Variants in SPRTN observed in about 807,000 individuals in gnomAD.
SPRTN encodes the protein DNA-dependent metalloprotease SPRTN.
Under a neutral mutation model 31.9 loss-of-function variants are expected in SPRTN, and 11 were observed. The ratio of observed to expected loss-of-function variants is 0.34; its 90% CI spans 0.22 to 0.57. SPRTN has a LOEUF of 0.57. SPRTN is among the 20% of genes least tolerant of loss of function. SPRTN has a pLI of 0.86. For missense variants in SPRTN, 482 were observed against 590.1 expected, an observed-to-expected ratio of 0.82 and a Z score of 1.90; for synonymous variants, 185 against 212.1, an observed-to-expected ratio of 0.87 and a Z score of 1.11.
At position 231,351,410 on chromosome 1, in the gene SPRTN, C is replaced by T; in HGVS notation, c.557C>T (p.Ala186Val). The T allele has an allele frequency of 6.2e-7, 1 of 1,614,056 alleles. No homozygotes were observed. The highest frequency in any genetic ancestry group is 8.5e-7 in the Non-Finnish European group (1 of 1,180,020). Residue 186 changes from alanine to valine, a missense_variant, in exon 4 of 5, where the codon GCT (alanine) becomes GTT (valine). Physicochemically the swap from Ala to Val is moderately conservative, Grantham distance 64 (BLOSUM62 0). Transcript: ENST00000295050. ...RPPYYGYVKR[A>V]TNREPSAHDY... The stretch of plus-strand genomic sequence containing the variant: ...CCGTATTACGGCTATGTCAAACGAG[C>T]TACTAACAGGGAACCCTCTGCTCAT...
intron 4 of SPRTN, chr1:231,351,991 AC>A: frequency 1.0e-6 from 1 of 998,660 alleles, no homozygotes; most frequent in South Asian, 4.4e-5. Flanking sequence ...TCCTAACTAC[AC>A]CCCTTCCTAT....
intron 2 of SPRTN, 130 bp downstream of exon 2, chr1:231,339,998 A>G (rs1686820516): frequency 1.4e-6 from 1 of 689,840 alleles, no homozygotes; most frequent in Non-Finnish European, 2.5e-6. Context: ...AGCTTGAATT[A>G]TGGGGCAAAC....
chr1:231,339,721 G>C, intron 1 of SPRTN, 48 bp from the exon 2 acceptor site: 1 of 1,584,726 alleles, frequency 6.3e-7, no homozygotes, highest in Non-Finnish European at 8.7e-7. Context: ...GTAAGGACTT[G>C]GGCATATTTG....
Position 231,352,620 on chromosome 1 carries a change from C to T in SPRTN, c.729C>T (p.Asn243=), listed in dbSNP as rs1239659096. 7 of 1,580,662 alleles carry T rather than the reference C, an allele frequency of 4.4e-6. No homozygotes were observed. Among genetic ancestry groups the T allele is most frequent in the Admixed American group, 1.9e-5 (1 of 52,006 alleles). ...VLAAENKDKP[N]RGEAQLVIPF... is the part of the protein sequence containing the mutation. ...TTGCTTTTTTGGCAGATAAACCCAA[C>T]AGAGGTGAGGCCCAGCTAGTAATCC... The change falls in exon 5 of 5, where the codon AAC becomes AAT. Residue 243 remains asparagine, a synonymous_variant. Coordinates refer to ENST00000295050, the MANE Select transcript of SPRTN (RefSeq NM_032018.7).
chr1:231,353,192 C>G lies in SPRTN; in HGVS notation c.1301C>G (p.Pro434Arg). 3.1e-6 allele frequency: 5 copies of G among 1,613,440 alleles called. No homozygotes were observed. Among genetic ancestry groups the G allele is most frequent in the Non-Finnish European group, 4.2e-6 (5 of 1,179,864 alleles). The change falls in exon 5 of 5, where the codon CCA becomes CGA. Residue 434 changes from proline (P) to arginine (R), a missense_variant. Around this residue, in one of 2 missense-constraint regions of SPRTN, gnomAD observed 325 missense variants for 350.2 expected, o/e 0.93. Transcript: ENST00000295050. ...KEQIKSSGND[P>R]KYSTTTAQNS... ...CAAATAAAAAGCAGTGGTAATGATC[C>G]AAAGTATAGTACAACCACAGCTCAG...
At chr1:231,348,398 T>C (rs914573690) in intron 3 of SPRTN, among the ~76,000 whole-genome samples, 20 of 152,194 alleles carry the variant, frequency 1.3e-4, no homozygotes, top group African/African-American at 4.8e-4. Flanking sequence ...CCACCAATTA[T>C]TAACTTTCCT....
At chr1:231,350,443 T>C (rs2572260) in intron 3 of SPRTN, among the ~76,000 whole-genome samples, 88,835 of 151,802 alleles carry the variant, frequency 0.59, 26,548 homozygotes, top group Non-Finnish European at 0.65. Flanking sequence ...CTGGGAGGGC[T>C]GACCCTCTTT....
At chr1:231,338,627 G>A (rs1195439185) in intron 1 of SPRTN, 23 bp downstream of exon 1, 2 of 1,612,936 alleles carry the variant, frequency 1.2e-6, no homozygotes, top group Non-Finnish European at 1.7e-6. Flanking sequence ...CCCCGCTGGG[G>A]AAAGAGGCGG....
chr1:231,351,629 A>G (rs1296661920), intron 4 of SPRTN, 58 bp downstream of exon 4: 3 of 1,580,958 alleles, frequency 1.9e-6, no homozygotes, highest in East Asian at 2.2e-5. Context: ...TGTAAAGACA[A>G]TACTGTCCTT....
intron 2 of SPRTN, among the ~76,000 whole-genome samples, chr1:231,342,747 T>A (rs899545589): frequency 5.3e-5 from 8 of 150,356 alleles, no homozygotes; most frequent in Non-Finnish European, 7.4e-5. Context: ...TTATTTATTT[T>A]TTTTTTGAGA....
chr1:231,340,779 CAA>C (rs1205164426), intron 2 of SPRTN, among the ~76,000 whole-genome samples: 1 of 147,230 alleles, frequency 6.8e-6, no homozygotes, highest in Non-Finnish European at 1.5e-5. Flanking sequence ...GCCTGGGCAA[CAA>C]GAGCGAAACT....
intron 2 of SPRTN, among the ~76,000 whole-genome samples, chr1:231,340,527 G>T (rs892303298): frequency 2.0e-5 from 3 of 152,178 alleles, no homozygotes; most frequent in Admixed American, 1.3e-4. Context: ...GAGAAAACAG[G>T]ATCCACATGT....
At chr1:231,339,017 C>A (rs1686781132) in intron 1 of SPRTN, among the ~76,000 whole-genome samples, 1 of 152,192 alleles carries the variant, frequency 6.6e-6, no homozygotes, top group South Asian at 2.1e-4. Flanking sequence ...CCTCTATTCC[C>A]GTTAGGAAAC....
intron 2 of SPRTN, among the ~76,000 whole-genome samples, chr1:231,342,471 C>T (rs1233416143): frequency 6.6e-6 from 1 of 152,074 alleles, no homozygotes; most frequent in Admixed American, 6.6e-5. Context: ...GCTCTTGTTG[C>T]CCAGGCTGGA....
intron 2 of SPRTN, among the ~76,000 whole-genome samples, chr1:231,340,315 C>G (rs1219803838): frequency 2.0e-5 from 3 of 152,058 alleles, no homozygotes; most frequent in Non-Finnish European, 4.4e-5. Flanking sequence ...TGCAATGAGC[C>G]GAGATCGCGC....
At chr1:231,348,826 T>C (rs1246025062) in intron 3 of SPRTN, among the ~76,000 whole-genome samples, 1 of 152,206 alleles carries the variant, frequency 6.6e-6, no homozygotes, top group African/African-American at 2.4e-5. Context: ...CCCATCTTTA[T>C]AGTACATCTG....
chr1:231,354,521 AGGCTTCCTATAGGTGTCTGTTCCCAG>A lies in SPRTN; in HGVS notation c.*1161_*1186del. The A allele has an allele frequency of 2.5e-6, 1 of 403,162 alleles. No homozygotes were observed. The highest frequency in any genetic ancestry group is 1.0e-4 in the South Asian group (1 of 9,644). 25.0% of individuals were successfully genotyped at this position (403,162 alleles called of 1,614,324 possible). On this transcript the variant is annotated 3_prime_UTR_variant, in exon 5 of 5. Coordinates refer to ENST00000295050, the MANE Select transcript of SPRTN (RefSeq NM_032018.7). ...TAGAGAACACTTCCATTGCCACAGA[AGGCTTCCTATAGGTGTCTGTTCCCAG>A]TTGATACCCATGACCCTCACCACCT...
Position 231,353,429 on chromosome 1 carries a change from A to G in SPRTN, c.*68A>G. 6.7e-7 allele frequency: 1 copy of G among 1,498,648 alleles called. No individual in the cohort carries two copies. The highest frequency in any genetic ancestry group is 8.8e-7 in the Non-Finnish European group (1 of 1,133,816). The allele number at this position is 1,498,648 out of a possible 1,614,324, so 92.8% of individuals were successfully genotyped here. On this transcript the variant is annotated 3_prime_UTR_variant, in exon 5 of 5. Coordinates refer to ENST00000295050, the MANE Select transcript of SPRTN (RefSeq NM_032018.7). The stretch of plus-strand genomic sequence containing the variant: ...AATGTGCTATGTCAGCCAGTCAGGA[A>G]GTTCTGGTTAATACTAAGATTTGTA...
At chr1:231,350,989 T>G (rs940563945) in intron 3 of SPRTN, among the ~76,000 whole-genome samples, 5 of 152,146 alleles carry the variant, frequency 3.3e-5, no homozygotes, top group African/African-American at 1.2e-4. Flanking sequence ...CAAATTTGAT[T>G]TCTGAAACTT....
Sources: gnomAD v4.1 joint callset for allele counts (sites outside exome capture counted in the v4.1 genomes callset) on GRCh38, gnomAD v4.1.1 for gene constraint, gnomAD v4.1.1 regional missense constraint, MANE v1.5 for transcripts, NCBI Gene and HGNC (gene_info 2026-07-23, HGNC 2026-07-21) for gene names.